DAB2IP: variants seen among roughly 807,000 people sequenced by gnomAD.
The protein encoded by DAB2IP is disabled homolog 2-interacting protein.
A neutral mutation model predicts 107.2 loss-of-function variants in DAB2IP; 28 were observed. The ratio of observed to expected loss-of-function variants is 0.26; its 90% confidence interval spans 0.19 to 0.36. DAB2IP has a LOEUF of 0.36. Ranked by LOEUF, DAB2IP falls within the 10% of genes least tolerant of loss-of-function variation. The pLI is 1.00. For missense variants in DAB2IP, 1,400 were observed against 1,644.7 expected (o/e 0.85, Z 2.57); for synonymous variants, 755 against 706.4 (o/e 1.07, Z -1.09).
chr9:121,772,935 G>T lies in DAB2IP; in HGVS notation c.2407G>T (p.Ala803Ser), dbSNP rs1159024192. Residue 803 changes from alanine (A) to serine (S), a missense_variant, in exon 12 of 16, where the codon GCA becomes TCA. Physicochemically the swap from Ala to Ser is moderately conservative, Grantham distance 99. Around this residue, in one of 3 missense-constraint regions of DAB2IP, gnomAD observed 600 missense variants for 659.1 expected, o/e 0.91. Coordinates refer to ENST00000408936, the Ensembl canonical transcript of DAB2IP. The surrounding 1 kb of genome is among the most constrained non-coding windows in gnomAD (Gnocchi z 4.7). ...GGCAGGGCTGGCCACGGTGCGGCGG[G>T]CAGGCCAGACACCAACCACACCAGG... 9 of 1,560,422 alleles carry T rather than the reference G, an allele frequency of 5.8e-6. No homozygotes were observed. The highest frequency in any genetic ancestry group is 7.8e-6 in the Non-Finnish European group (9 of 1,157,376).
At chr9:121,641,003 TC>T (rs1832268265) in intron 1 of DAB2IP, among the ~76,000 whole-genome samples, 1 of 152,322 alleles carries the variant, frequency 6.6e-6, no homozygotes, top group African/African-American at 2.4e-5. Flanking sequence ...TCCTGGGCCA[TC>T]CCCTCTTTAT....
At chr9:121,734,518 T>C (rs1831757038) in intron 3 of DAB2IP, among the ~76,000 whole-genome samples, 1 of 152,118 alleles carries the variant, frequency 6.6e-6, no homozygotes, top group Admixed American at 6.5e-5. Context: ...CCACTGGAGA[T>C]GGACATATTC....
chr9:121,700,391 A>G (rs773197093), intron 3 of DAB2IP, among the ~76,000 whole-genome samples: 10 of 152,072 alleles, frequency 6.6e-5, no homozygotes, highest in Non-Finnish European at 1.3e-4. Flanking sequence ...GCACCTTTCC[A>G]CTTAGGCACA....
At chr9:121,733,321 A>G (rs981786761) in intron 3 of DAB2IP, among the ~76,000 whole-genome samples, 8 of 152,202 alleles carry the variant, frequency 5.3e-5, no homozygotes, top group Non-Finnish European at 8.8e-5. Flanking sequence ...GGATGCATGC[A>G]TCTCTCCCCA....
At chr9:121,569,000 A>G (rs1829869787) in intron 1 of DAB2IP, among the ~76,000 whole-genome samples, 1 of 152,148 alleles carries the variant, frequency 6.6e-6, no homozygotes, top group Non-Finnish European at 1.5e-5. Context: ...ATTCAAGAGG[A>G]AGAGGAAAGG....
chr9:121,728,653 G>A (rs577967463), intron 3 of DAB2IP, among the ~76,000 whole-genome samples: 2 of 152,340 alleles, frequency 1.3e-5, no homozygotes, highest in East Asian at 3.9e-4. Context: ...CTTAAGAGGA[G>A]CCAGTGAGGG....
chr9:121,667,255 A>C lies in DAB2IP; in HGVS notation c.125-11423A>C, dbSNP rs554570591. ...TCGAACCCCTGACCTCAAATGATCC[A>C]CCCACCTTGGCCTCCCAAAGTGCTG... On this transcript the variant is annotated intron_variant, in intron 1 of 15. Transcript: ENST00000408936. Among the ~76,000 whole-genome samples the C allele has an allele frequency of 2.9e-4, 44 of 151,676 alleles. 2 individuals are homozygous for C. In the South Asian group the frequency reaches 9.2e-3, roughly 32 times the overall value.
chr9:121,779,204 T>C (rs1269828399), intron 14 of DAB2IP, among the ~76,000 whole-genome samples: 3 of 152,256 alleles, frequency 2.0e-5, no homozygotes, highest in Non-Finnish European at 4.4e-5. Context: ...GATAATTATA[T>C]TTTTCACCTC....
At chr9:121,711,534 G>T (rs113328432) in intron 3 of DAB2IP, among the ~76,000 whole-genome samples, 1 of 152,198 alleles carries the variant, frequency 6.6e-6, no homozygotes, top group African/African-American at 2.4e-5. Context: ...CATCTGTGGA[G>T]CAGTTGTATT....
rs1829799626 is a variant in DAB2IP, at chr9:121,701,840, G to A, written c.362+2382G>A. ...TGCTCTGATGTGGTGTGGTTGTGAT[G>A]TTGAAGGCTGGGAGGGCAGGATGGG... On this transcript the variant is annotated intron_variant, in intron 3 of 15. Coordinates refer to ENST00000408936, the Ensembl canonical transcript of DAB2IP. The surrounding 1 kb of genome is among the most constrained non-coding windows in gnomAD (Gnocchi z 4.7). Among the ~76,000 whole-genome samples the A allele has an allele frequency of 6.6e-6, 1 of 152,198 alleles. No individual in the cohort carries two copies. Among genetic ancestry groups the A allele is most frequent in the Non-Finnish European group, 1.5e-5 (1 of 68,044 alleles).
In DAB2IP at chr9:121,582,285, G is replaced by A. The variant is rs1219873334; in HGVS notation, c.40+15057G>A. 3.3e-5 allele frequency among the ~76,000 whole-genome samples: 5 copies of A among 152,162 alleles called. No homozygotes were observed. In the East Asian group the frequency reaches 9.6e-4, roughly 29 times the overall value. On this transcript the variant is annotated intron_variant, in intron 1 of 16. Transcript: ENST00000259371. Reference sequence around the variant, plus strand: ...TGGTCCTGGGGGTGAAGAGGTCAGGGACTGCCTTGAGGTGGGGGCCAGGCC... The same window carrying A: ...TGGTCCTGGGGGTGAAGAGGTCAGGAACTGCCTTGAGGTGGGGGCCAGGCC...
chr9:121,695,843 G>C (rs1369521274), intron 2 of DAB2IP, among the ~76,000 whole-genome samples: 1 of 152,198 alleles, frequency 6.6e-6, no homozygotes, highest in Non-Finnish European at 1.5e-5. Context: ...TCTGAGCCTA[G>C]AGCTTTATCA....
At position 121,772,695 on chromosome 9, in the gene DAB2IP, C is replaced by A; in HGVS notation, c.2167C>A (p.Pro723Thr). 1.9e-6 allele frequency: 3 copies of A among 1,614,068 alleles called. No individual in the cohort carries two copies. In the South Asian group the frequency reaches 3.3e-5, roughly 18 times the overall value. The change falls in exon 12 of 16, where the codon CCT becomes ACT. Residue 723 changes from proline to threonine, a missense_variant. Physicochemically the swap from Pro to Thr is conservative, Grantham distance 38. This residue lies in a region of DAB2IP where 600 missense variants were observed against 659.1 expected (regional missense o/e 0.91). Transcript: ENST00000408936. This position sits in a 1 kb window ranked among gnomAD's most constrained non-coding sequence, Gnocchi z 4.7. The stretch of plus-strand genomic sequence containing the variant: ...AAGGTCCTCCGGGGTCCAGCCCTCA[C>A]CTGCCCGCAGCTCGAGTTACTCGGA...
At chr9:121,766,390 C>A in intron 8 of DAB2IP, 104 bp from the exon 9 acceptor site, 1 of 1,062,278 alleles carries the variant, frequency 9.4e-7, no homozygotes, top group Non-Finnish European at 1.4e-6. Context: ...CCTCACGCAG[C>A]TGGCGGGGTA....
At chr9:121,678,833 C>T (rs939909066) in intron 2 of DAB2IP, 52 bp downstream of exon 2, 6 of 1,479,344 alleles carry the variant, frequency 4.1e-6, no homozygotes, top group East Asian at 2.6e-5. Context: ...ATCACCACCT[C>T]GCCCGGGGTG....
At chr9:121,646,506 C>T (rs1832542794) in intron 1 of DAB2IP, among the ~76,000 whole-genome samples, 2 of 140,120 alleles carry the variant, frequency 1.4e-5, no homozygotes, top group Admixed American at 7.2e-5. Flanking sequence ...CCACCCCGAC[C>T]CTCTGTCCCC....
chr9:121,675,868 G>A (rs964223867), intron 1 of DAB2IP, among the ~76,000 whole-genome samples: 1 of 152,232 alleles, frequency 6.6e-6, no homozygotes, highest in African/African-American at 2.4e-5. Context: ...GCGAAGGGGT[G>A]AGAGATGAAG....
chr9:121,648,925 C>A (rs1270355198), upstream of DAB2IP, among the ~76,000 whole-genome samples: 1 of 152,056 alleles, frequency 6.6e-6, no homozygotes, highest in Admixed American at 6.5e-5. Flanking sequence ...AGAGAGAAAG[C>A]CACAGGGGCG....
intron 1 of DAB2IP, among the ~76,000 whole-genome samples, chr9:121,674,230 G>T (rs1226552773): frequency 1.3e-5 from 2 of 152,196 alleles, no homozygotes; most frequent in African/African-American, 4.8e-5. Context: ...TCTTGCCAGG[G>T]TTCCTCTTTG....
Sources: gnomAD v4.1 joint callset for allele counts (sites outside exome capture counted in the v4.1 genomes callset) on GRCh38, gnomAD v4.1.1 for gene constraint, gnomAD v4.1.1 regional missense constraint, Gnocchi (gnomAD v3.1) non-coding constraint, MANE v1.5 for transcripts, NCBI Gene and HGNC (gene_info 2026-07-23, HGNC 2026-07-21) for gene names.